Variants in FBXO34 observed in about 807,000 individuals in gnomAD.
FBXO34 encodes the protein F-box protein 34.
In FBXO34, 12 loss-of-function variants were observed where a neutral mutation model predicts 24.5. The observed-to-expected ratio is 0.49, with a 90% CI of 0.31 to 0.79. The LOEUF (loss-of-function observed/expected upper bound fraction) is 0.79, where lower values mean the gene tolerates loss of function less well. Among genes scored for constraint, FBXO34 ranks in the 30% least tolerant of loss-of-function variants. The pLI is 0.04. For missense variants in FBXO34, 823 were observed against 857.7 expected, an observed-to-expected ratio of 0.96 and a Z score of 0.51; for synonymous variants, 320 against 311.9, an observed-to-expected ratio of 1.03 and a Z score of -0.27.
chr14:55,286,939 C>T (rs1220375635), intron 1 of FBXO34, among the ~76,000 whole-genome samples: 3 of 140,238 alleles, frequency 2.1e-5, no homozygotes, highest in Admixed American at 1.5e-4. Flanking sequence ...GACAGAGTCT[C>T]GCTTTTTCGC....
rs1452460454 is a variant in FBXO34 at position 55,331,685 on chromosome 14, GTGTATATATA to G, written c.-10-18694_-10-18685del. ...ACATGGTGTGTGTATATATATATAT[GTGTATATATA>G]TATATATATGTATATATATATGTAT... On this transcript the variant is annotated intron_variant, in intron 1 of 1. Transcript: ENST00000313833. 9.7e-4 allele frequency among the ~76,000 whole-genome samples: 31 copies of G among 31,894 alleles called. 9 individuals carry two copies. Among genetic ancestry groups the G allele is most frequent in the African/African-American group, 7.2e-3 (28 of 3,882 alleles). 20.9% of individuals were successfully genotyped at this position (31,894 alleles called of 152,430 possible). A position where few individuals can be genotyped will look rare whatever the true frequency, so the allele number is the denominator to read the frequency against.
the FBXO34 span, among the ~76,000 whole-genome samples, chr14:55,390,148 G>A: frequency 6.6e-6 from 1 of 152,132 alleles, no homozygotes; most frequent in Non-Finnish European, 1.5e-5. Flanking sequence ...TCAGCTCACC[G>A]CAATCTCCGC....
chr14:55,361,908 C>T (rs953448357), exon 4 of FBXO34: 10 of 152,198 alleles, frequency 6.6e-5, no homozygotes, highest in African/African-American at 1.4e-4. Context: ...AAGCTTTCTC[C>T]GTATCAGCAA....
chr14:55,337,370 A>T (rs1883819851), intron 1 of FBXO34, among the ~76,000 whole-genome samples: 1 of 152,228 alleles, frequency 6.6e-6, no homozygotes, highest in Non-Finnish European at 1.5e-5. Context: ...TTATAAATTG[A>T]CACCACAACA....
chr14:55,278,019 G>A (rs1201631794), intron 1 of FBXO34, among the ~76,000 whole-genome samples: 1 of 151,790 alleles, frequency 6.6e-6, no homozygotes, highest in African/African-American at 2.4e-5. Context: ...CCTGCCAAGG[G>A]GGCTACTGCC....
chr14:55,380,338 C>G, the FBXO34 span, among the ~76,000 whole-genome samples: 2 of 152,112 alleles, frequency 1.3e-5, no homozygotes, highest in Non-Finnish European at 2.9e-5. Context: ...TCTGAACATC[C>G]TGATACTCCC....
At chr14:55,317,865 T>C (rs993764087) in intron 1 of FBXO34, among the ~76,000 whole-genome samples, 1 of 152,198 alleles carries the variant, frequency 6.6e-6, no homozygotes, top group Non-Finnish European at 1.5e-5. Flanking sequence ...TCCTCTGTTT[T>C]AACCCTCTGC....
At chr14:55,405,224 G>T in the FBXO34 span, among the ~76,000 whole-genome samples, 1 of 152,154 alleles carries the variant, frequency 6.6e-6, no homozygotes, top group Non-Finnish European at 1.5e-5. Context: ...GGCCACAGTG[G>T]CTGACAAACA....
At chr14:55,288,497 A>G (rs1309200551) in intron 1 of FBXO34, among the ~76,000 whole-genome samples, 1 of 152,206 alleles carries the variant, frequency 6.6e-6, no homozygotes, top group African/African-American at 2.4e-5. Context: ...GTTTATATTC[A>G]CATATTTTAA....
the FBXO34 span, chr14:55,435,973 TA>T: frequency 1.8e-6 from 2 of 1,133,848 alleles, no homozygotes; most frequent in Non-Finnish European, 2.5e-6. Context: ...ATATCAGATA[TA>T]AAGAGTAAAA....
At chr14:55,421,604 C>G in the FBXO34 span, among the ~76,000 whole-genome samples, 2 of 152,206 alleles carry the variant, frequency 1.3e-5, no homozygotes, top group Non-Finnish European at 2.9e-5. Context: ...GCTGGGGTCA[C>G]AGGTGCCTGC....
At chr14:55,303,104 G>A (rs907212183) in intron 1 of FBXO34, among the ~76,000 whole-genome samples, 1 of 150,572 alleles carries the variant, frequency 6.6e-6, no homozygotes, top group African/African-American at 2.4e-5. Context: ...GCGTTTTAAT[G>A]TGCATTAATT....
At chr14:55,307,315 G>A (rs976728686) in intron 1 of FBXO34, among the ~76,000 whole-genome samples, 9 of 152,186 alleles carry the variant, frequency 5.9e-5, no homozygotes, top group Admixed American at 5.2e-4. Context: ...CAACTAAAAT[G>A]TGTTTGCATA....
intron 1 of FBXO34, among the ~76,000 whole-genome samples, chr14:55,334,135 A>T (rs1018390860): frequency 6.6e-6 from 1 of 152,192 alleles, no homozygotes; most frequent in Non-Finnish European, 1.5e-5. Flanking sequence ...TGCTTTGCAG[A>T]ACAGTAACCA....
At chr14:55,401,475 G>A in the FBXO34 span, among the ~76,000 whole-genome samples, 1 of 152,038 alleles carries the variant, frequency 6.6e-6, no homozygotes, top group South Asian at 2.1e-4. Flanking sequence ...CCTGTTCCAT[G>A]CCTGGCTCTT....
intron 1 of FBXO34, among the ~76,000 whole-genome samples, chr14:55,296,341 G>C (rs1365560134): frequency 6.7e-6 from 1 of 149,758 alleles, no homozygotes; most frequent in African/African-American, 2.5e-5. Context: ...TTTAGTGAAG[G>C]AGTAGAGGGG....
At chr14:55,381,922 C>T in the FBXO34 span, 1 of 1,544,712 alleles carries the variant, frequency 6.5e-7, no homozygotes. Flanking sequence ...ACCTATAACT[C>T]TCTCTATATA....
At chr14:55,319,681 G>GAA (rs1883059767) in intron 1 of FBXO34, among the ~76,000 whole-genome samples, 1 of 152,084 alleles carries the variant, frequency 6.6e-6, no homozygotes, top group African/African-American at 2.4e-5. Context: ...TATTTTTCCT[G>GAA]AACTTTCTTT....
rs112254408 is a variant in FBXO34 at position 55,352,148 on chromosome 14, C to A, written c.1758C>A (p.Ile586=). 7 of 1,614,132 alleles carry A rather than the reference C, an allele frequency of 4.3e-6. No homozygotes were observed. In the African/African-American group the frequency reaches 9.3e-5, roughly 22 times the overall value. Residue 586 remains isoleucine, a synonymous_variant, in exon 2 of 2, where the codon ATC becomes ATA. Transcript: ENST00000313833. ...AFLPHHIMVK[I]FRLLPTKSLV... is the part of the protein sequence containing the mutation. ...TGCCCCACCACATTATGGTAAAAAT[C>A]TTCAGGTTACTTCCCACCAAGAGTT...
Sources: allele counts gnomAD v4.1 joint callset (sites outside exome capture counted in the v4.1 genomes callset), GRCh38; gene constraint gnomAD v4.1.1; transcripts MANE v1.5; gene names NCBI Gene and HGNC (gene_info 2026-07-23, HGNC 2026-07-21).